The following DNAH17 variants were observed in gnomAD, a reference collection of about 807,000 sequenced individuals.
DNAH17 encodes the protein dynein axonemal heavy chain 17.
DNAH17 carries 376 observed loss-of-function variants against 485.6 expected under a neutral mutation model. The observed-to-expected ratio is 0.77, with a 90% CI of 0.71 to 0.84. DNAH17 has a LOEUF of 0.84. Ranked by LOEUF, DNAH17 falls within the 40% of genes least tolerant of loss-of-function variation. The pLI is 0.00. For missense variants in DNAH17, 6,370 were observed against 5,839.3 expected, an observed-to-expected ratio of 1.09 and a Z score of -2.96; for synonymous variants, 3,031 against 2,405.9, an observed-to-expected ratio of 1.26 and a Z score of -7.60.
chr17:78,437,591 C>T (rs2086890812), intron 74 of DNAH17, 50 bp downstream of exon 74: 2 of 1,484,434 alleles, frequency 1.3e-6, no homozygotes, highest in East Asian at 2.4e-5. Flanking sequence ...GGGATGGATG[C>T]CAGGCCGTGG....
chr17:78,575,814 CCAAA>C (rs1320578999), intron 1 of DNAH17, among the ~76,000 whole-genome samples: 9 of 152,058 alleles, frequency 5.9e-5, no homozygotes, highest in Admixed American at 2.0e-4. Flanking sequence ...AAAGACACAC[CCAAA>C]CAGTCATCAA....
intron 26 of DNAH17, chr17:78,510,734 C>CA (rs1375478727): frequency 3.9e-5 from 19 of 484,574 alleles, no homozygotes; most frequent in Non-Finnish European, 6.5e-5. Flanking sequence ...AACGCACCTG[C>CA]ACTGGGCGGA....
At chr17:78,513,493 T>C (rs934882614) in intron 26 of DNAH17, among the ~76,000 whole-genome samples, 12 of 152,194 alleles carry the variant, frequency 7.9e-5, no homozygotes, top group African/African-American at 2.9e-4. Flanking sequence ...TAGAGTACAG[T>C]GGCATGATCT....
At chr17:78,478,946 G>C (rs538939776) in intron 51 of DNAH17, 79 bp downstream of exon 51, 8 of 1,179,466 alleles carry the variant, frequency 6.8e-6, no homozygotes, top group Middle Eastern at 1.9e-4. Context: ...ACCTCCCTGA[G>C]AGCTGTGATG....
chr17:78,532,478 G>A lies in DNAH17; in HGVS notation c.3114+4C>T, dbSNP rs375295297. 5.6e-5 allele frequency: 90 copies of A among 1,607,506 alleles called. No homozygotes were observed. Among genetic ancestry groups the A allele is most frequent in the East Asian group, 1.1e-4 (5 of 44,828 alleles). ...GGAGGCTGGTGGGTGAGGTCTGCAC[G>A]CACCTGCTCCTGGAACTGAGCCAGG... On this transcript the variant is annotated splice_donor_region_variant and intron_variant, in intron 20 of 80. Transcript: ENST00000389840.
intron 58 of DNAH17, 104 bp from the exon 59 acceptor site, chr17:78,460,361 T>TGTGTGTGCATGTAA: frequency 1.0e-6 from 1 of 986,394 alleles, no homozygotes; most frequent in Non-Finnish European, 1.5e-6. Context: ...TGTGCATGTA[T>TGTGTGTGCATGTAA]GCACGTGCAT....
At position 78,459,076 on chromosome 17, in the gene DNAH17, C is replaced by T; in HGVS notation, c.9786G>A (p.Arg3262=). ...CTGCATTAGCCTCCTCCAGTGCCTG[C>T]CTCTTGGGCGCCACGTCGCAGTAGA... ...YEVYCDVAPK[R]QALEEANAEL... Residue 3262 remains arginine (R), a synonymous_variant, in exon 61 of 81, where the codon AGG becomes AGA. Coordinates refer to ENST00000389840, the MANE Select transcript of DNAH17 (RefSeq NM_173628.4). The T allele has an allele frequency of 6.2e-7, 1 of 1,614,048 alleles. No individual in the cohort carries two copies. Among genetic ancestry groups the T allele is most frequent in the Non-Finnish European group, 8.5e-7 (1 of 1,179,900 alleles).
chr17:78,493,516 C>A (rs1443284520), intron 41 of DNAH17, among the ~76,000 whole-genome samples: 1 of 152,246 alleles, frequency 6.6e-6, no homozygotes, highest in African/African-American at 2.4e-5. Flanking sequence ...TGGGTCCATG[C>A]GGCCTCTGCC....
At position 78,571,246 on chromosome 17, in the gene DNAH17, C is replaced by T. The variant is rs373551049; in HGVS notation, c.832+33G>A. The T allele has an allele frequency of 3.0e-4, 476 of 1,573,872 alleles. 1 individual carries two copies. The Middle Eastern group carries it at 6.5e-3, about 22-fold the overall frequency. ...CCCTCCCAGGAGGCACAAACAGCTTCGTGCAGAACTCATGACAGGGTCACA... is the reference window on the plus strand; with the variant it reads ...CCCTCCCAGGAGGCACAAACAGCTTTGTGCAGAACTCATGACAGGGTCACA... On this transcript the variant is annotated intron_variant, in intron 5 of 80. Transcript: ENST00000389840.
chr17:78,480,878 ATTATTTTT>A (rs2089318111), intron 48 of DNAH17, 92 bp from the exon 49 acceptor site: 3 of 871,868 alleles, frequency 3.4e-6, no homozygotes, highest in Non-Finnish European at 5.5e-6. Flanking sequence ...CCTCCTTATT[ATTATTTTT>A]TTGAGACAGA....
intron 54 of DNAH17, among the ~76,000 whole-genome samples, chr17:78,473,740 A>G (rs2088881195): frequency 6.6e-6 from 1 of 152,072 alleles, no homozygotes; most frequent in African/African-American, 2.4e-5. Context: ...AAATCCCCGC[A>G]GGGACGCAGA....
chr17:78,460,390 A>G (rs1306552980), intron 58 of DNAH17, 133 bp from the exon 59 acceptor site: 1,520 of 730,818 alleles, frequency 2.1e-3, no homozygotes, highest in Non-Finnish European at 2.9e-3. Flanking sequence ...GTGTGCATAT[A>G]TGTGCATGAG....
intron 75 of DNAH17, 94 bp from the exon 76 acceptor site, chr17:78,429,394 C>T: frequency 2.2e-6 from 3 of 1,374,724 alleles, no homozygotes; most frequent in South Asian, 2.7e-5. Flanking sequence ...CGTGGGAACC[C>T]AGCCATTGGT....
rs566345837 is a variant in DNAH17, at chr17:78,561,641, G to A, written c.1835+74C>T. 5.0e-5 allele frequency: 75 copies of A among 1,492,422 alleles called. 1 individual carries two copies. In the African/African-American group the frequency reaches 9.0e-4, roughly 18 times the overall value. 92.4% of individuals were successfully genotyped at this position (1,492,422 alleles called of 1,614,324 possible). ...CGACAGGAGGGGTGGTCCCGCTCGG[G>A]GTTGGGACAGTCCCTCTCGCTCTCC... On this transcript the variant is annotated intron_variant, in intron 12 of 80. Transcript: ENST00000389840.
At chr17:78,505,142 G>A (rs757286720) in intron 31 of DNAH17, 151 bp downstream of exon 31, 18 of 1,014,698 alleles carry the variant, frequency 1.8e-5, no homozygotes, top group African/African-American at 6.5e-5. Context: ...TCCCTTAAGT[G>A]TTTTCTAGAG....
rs369701985 is a variant in DNAH17 at position 78,529,322 on chromosome 17, TG to T, written c.3507+149del. 110 of 775,582 alleles carry T rather than the reference TG, an allele frequency of 1.4e-4. 1 individual carries two copies. In the African/African-American group the frequency reaches 1.7e-3, roughly 12 times the overall value. 48.0% of individuals were successfully genotyped at this position (775,582 alleles called of 1,614,324 possible). A position where few individuals can be genotyped will look rare whatever the true frequency, so the allele number is the denominator to read the frequency against. On this transcript the variant is annotated intron_variant, in intron 22 of 80. Coordinates refer to ENST00000389840, the MANE Select transcript of DNAH17 (RefSeq NM_173628.4). ...TCCTGTCCCCCAGAAACCTCCTCCCTGCACCTCCCTGTTCCATGGGGATCTG... is the reference window on the plus strand; with the variant it reads ...TCCTGTCCCCCAGAAACCTCCTCCCTCACCTCCCTGTTCCATGGGGATCTG...
At chr17:78,573,066 C>T (rs2092383558) in intron 2 of DNAH17, among the ~76,000 whole-genome samples, 172 bp from the exon 3 acceptor site, 1 of 152,068 alleles carries the variant, frequency 6.6e-6, no homozygotes, top group Non-Finnish European at 1.5e-5. Flanking sequence ...GTGTCTGGAG[C>T]CCTGGGAAAA....
Position 78,437,778 on chromosome 17 carries a change from T to C in DNAH17, c.11896A>G (p.Ile3966Val), listed in dbSNP as rs142644152. 1 of 1,612,602 alleles carries C rather than the reference T, an allele frequency of 6.2e-7. No homozygotes were observed. Among genetic ancestry groups the C allele is most frequent in the Non-Finnish European group, 8.5e-7 (1 of 1,179,768 alleles). Residue 3966 changes from isoleucine (I) to valine (V), a missense_variant, in exon 74 of 81, where the codon ATC (isoleucine) becomes GTC (valine). Coordinates refer to ENST00000389840, the MANE Select transcript of DNAH17 (RefSeq NM_173628.4). The part of the protein sequence containing the change: ...TGSHEDYRVF[I>V]SAEPAPSPET... Reference sequence around the variant, plus strand: ...GGGCTGGGGGCAGGCTCCGCGCTGATGAACACCCGGTAGTCCTCATGGCTG... The same window carrying C: ...GGGCTGGGGGCAGGCTCCGCGCTGACGAACACCCGGTAGTCCTCATGGCTG...
At chr17:78,531,150 A>T (rs7219445) in intron 20 of DNAH17, among the ~76,000 whole-genome samples, 119,584 of 151,814 alleles carry the variant, frequency 0.79, 47,724 homozygotes, top group African/African-American at 0.91. Flanking sequence ...GGTGTTGAAA[A>T]CCCTAACTGT....
Sources: allele counts gnomAD v4.1 joint callset (sites outside exome capture counted in the v4.1 genomes callset), GRCh38; gene constraint gnomAD v4.1.1; transcripts MANE v1.5; gene names NCBI Gene and HGNC (gene_info 2026-07-23, HGNC 2026-07-21).